The following VWA5A variants were observed in gnomAD, a reference collection of about 807,000 sequenced individuals.
VWA5A encodes von Willebrand factor A domain-containing protein 5A.
A neutral mutation model predicts 84.6 loss-of-function variants in VWA5A; 77 were observed. The observed-to-expected ratio is 0.91, with a 90% CI of 0.76 to 1.10. The LOEUF (loss-of-function observed/expected upper bound fraction) is 1.10. VWA5A is among the 50% of genes least tolerant of loss of function. The probability of loss-of-function intolerance (pLI) is 0.00; values close to 1 mark genes in which losing one functional copy is unlikely to be tolerated. For synonymous variants in VWA5A, 334 were observed against 350.1 expected, an observed-to-expected ratio of 0.95 and a Z score of 0.51; for missense variants, 973 against 963.0, an observed-to-expected ratio of 1.01 and a Z score of -0.14.
intron 9 of VWA5A, 27 bp from the exon 10 acceptor site, chr11:124,123,633 G>A: frequency 6.2e-7 from 1 of 1,614,168 alleles, no homozygotes; most frequent in Non-Finnish European, 8.5e-7. Context: ...TAACCCTCAT[G>A]TAACTGGGTG....
At chr11:124,115,865 G>C (rs1864819604) in intron 1 of VWA5A, 1 of 152,202 alleles carries the variant, frequency 6.6e-6, no homozygotes, top group Admixed American at 6.5e-5. Context: ...ACTCCAATCA[G>C]TTGCAGCCCC....
At chr11:124,123,532 C>T (rs1001560193) in intron 9 of VWA5A, 78 bp downstream of exon 9, 14 of 1,597,874 alleles carry the variant, frequency 8.8e-6, no homozygotes, top group Admixed American at 3.3e-5. Context: ...GGGGTTACTG[C>T]GGAGTTGACT....
rs749894573 is a variant in VWA5A, at chr11:124,124,223, C to A, written c.1165-14C>A. 6.2e-7 allele frequency: 1 copy of A among 1,610,572 alleles called. No individual in the cohort carries two copies. The highest frequency in any genetic ancestry group is 8.5e-7 in the Non-Finnish European group (1 of 1,177,998). On this transcript the variant is annotated splice_polypyrimidine_tract_variant and intron_variant, in intron 10 of 18. Transcript: ENST00000456829. ...TTGACAAAGACCTGATGAACATTTT[C>A]TTTCTTTGTATAGCTTTTTGTCTTT... is the stretch of plus-strand genomic sequence containing the variant.
chr11:124,145,800 T>G, intron 18 of VWA5A, 66 bp from the exon 19 acceptor site: 1 of 1,480,454 alleles, frequency 6.8e-7, no homozygotes, highest in Non-Finnish European at 9.2e-7. Flanking sequence ...GTAGATGATC[T>G]GGGAGGTTTG....
At chr11:124,136,758 C>CAT in intron 14 of VWA5A, 84 bp downstream of exon 14, 1 of 734,128 alleles carries the variant, frequency 1.4e-6, no homozygotes, top group Non-Finnish European at 2.1e-6. Flanking sequence ...CATTCCCTCC[C>CAT]TCCCTCCCTC....
At chr11:124,129,971 T>C (rs1055377241) in intron 11 of VWA5A, among the ~76,000 whole-genome samples, 1 of 152,204 alleles carries the variant, frequency 6.6e-6, no homozygotes, top group African/African-American at 2.4e-5. Flanking sequence ...TTTCTGTTTC[T>C]ATCTCCTTCA....
At position 124,146,507 on chromosome 11, in the gene VWA5A, ATTC is replaced by A. The variant is rs1860824824; in HGVS notation, c.*568_*570del. On this transcript the variant is annotated 3_prime_UTR_variant, in exon 19 of 19. Coordinates refer to ENST00000456829, the MANE Select transcript of VWA5A (RefSeq NM_001130142.2). ...ACACTGTTGGGGACCTTCCTGATTC[ATTC>A]TTCTTGGGCTTTGCTAGCCTGTACA... 1 of 152,724 alleles carries A rather than the reference ATTC, an allele frequency of 6.5e-6. No individual in the cohort carries two copies. The highest frequency in any genetic ancestry group is 2.1e-4 in the South Asian group (1 of 4,844). The allele number at this position is 152,724 out of a possible 1,614,324, so 9.5% of individuals were successfully genotyped here.
intron 15 of VWA5A, 104 bp from the exon 16 acceptor site, chr11:124,141,494 T>C (rs1860726233): frequency 6.9e-7 from 1 of 1,449,614 alleles, no homozygotes; most frequent in Non-Finnish European, 9.4e-7. Flanking sequence ...GGGTGGTGAC[T>C]GAAGCCAGTG....
At chr11:124,141,905 G>A (rs1474397819) in intron 16 of VWA5A, among the ~76,000 whole-genome samples, 164 bp downstream of exon 16, 2 of 152,148 alleles carry the variant, frequency 1.3e-5, no homozygotes, top group Non-Finnish European at 2.9e-5. Flanking sequence ...CACAGAACCA[G>A]CCTGGAAACT....
intron 3 of VWA5A, 55 bp downstream of exon 3, chr11:124,117,609 G>T (rs1201501711): frequency 6.2e-7 from 1 of 1,613,968 alleles, no homozygotes; most frequent in Non-Finnish European, 8.5e-7. Flanking sequence ...CCTATCACAA[G>T]GCTTGATCTA....
chr11:124,136,964 T>C, intron 14 of VWA5A, 51 bp from the exon 15 acceptor site: 1 of 1,583,888 alleles, frequency 6.3e-7, no homozygotes, highest in Non-Finnish European at 8.5e-7. Flanking sequence ...GAGAAACTGG[T>C]ATATGGATGT....
intron 11 of VWA5A, among the ~76,000 whole-genome samples, chr11:124,133,075 A>G (rs1320445951): frequency 6.6e-6 from 1 of 152,258 alleles, no homozygotes; most frequent in East Asian, 1.9e-4. Context: ...AGAAAAAATT[A>G]TAGAAATTAG....
chr11:124,130,934 C>T (rs960900476), intron 11 of VWA5A, among the ~76,000 whole-genome samples: 1 of 152,060 alleles, frequency 6.6e-6, no homozygotes, highest in Admixed American at 6.6e-5. Context: ...TTTACTTATG[C>T]CCCTGCTTCA....
chr11:124,127,581 G>A (rs1156352464), intron 11 of VWA5A, among the ~76,000 whole-genome samples: 6 of 152,264 alleles, frequency 3.9e-5, no homozygotes, highest in Non-Finnish European at 8.8e-5. Flanking sequence ...GATCCTTGAG[G>A]TATCCCCACA....
At chr11:124,126,045 A>G (rs1462523720) in intron 11 of VWA5A, among the ~76,000 whole-genome samples, 2 of 152,236 alleles carry the variant, frequency 1.3e-5, no homozygotes, top group Non-Finnish European at 2.9e-5. Context: ...AAGCACCTGT[A>G]TACATGTACA....
chr11:124,139,267 G>C (rs116206881), intron 15 of VWA5A, among the ~76,000 whole-genome samples: 316 of 134,134 alleles, frequency 2.4e-3, no homozygotes, highest in African/African-American at 8.6e-3. Flanking sequence ...GTTTTCTCAA[G>C]GTTACTTTGA....
At chr11:124,125,975 C>G (rs574768260) in intron 11 of VWA5A, among the ~76,000 whole-genome samples, 1 of 152,168 alleles carries the variant, frequency 6.6e-6, no homozygotes, top group South Asian at 2.1e-4. Context: ...TGACCCTATT[C>G]CATTTATGGA....
intron 11 of VWA5A, among the ~76,000 whole-genome samples, chr11:124,130,486 T>C (rs1452191727): frequency 6.6e-6 from 1 of 152,220 alleles, no homozygotes; most frequent in Non-Finnish European, 1.5e-5. Context: ...TGTGGATGTC[T>C]ATTAGCTTCA....
intron 4 of VWA5A, 136 bp from the exon 5 acceptor site, chr11:124,118,053 C>T: frequency 6.3e-6 from 8 of 1,269,500 alleles, no homozygotes; most frequent in Non-Finnish European, 8.6e-6. Context: ...GGAAAGAAAT[C>T]AATCAGAGGC....
Sources: allele counts gnomAD v4.1 joint callset (sites outside exome capture counted in the v4.1 genomes callset), GRCh38; gene constraint gnomAD v4.1.1; transcripts MANE v1.5; gene names NCBI Gene and HGNC (gene_info 2026-07-23, HGNC 2026-07-21).